The following LHCGR variants were observed in gnomAD, a reference collection of about 807,000 sequenced individuals.
LHCGR encodes luteinizing hormone/choriogonadotropin receptor, also known as lutropin-choriogonadotropic hormone receptor.
LHCGR carries 55 observed loss-of-function variants against 60.7 expected under a neutral mutation model. The ratio of observed to expected loss-of-function variants is 0.91; its 90% confidence interval spans 0.73 to 1.13. The LOEUF (loss-of-function observed/expected upper bound fraction) is 1.13. Among genes scored for constraint, LHCGR ranks in the 50% most tolerant of loss-of-function variants. The pLI is 0.00. For synonymous variants in LHCGR, 337 were observed against 316.5 expected (o/e 1.06, Z -0.69); for missense variants, 862 against 836.0 (o/e 1.03, Z -0.38).
At chr2:48,740,460 G>A (rs1260013314) in intron 1 of LHCGR, among the ~76,000 whole-genome samples, 1 of 152,194 alleles carries the variant, frequency 6.6e-6, no homozygotes, top group Non-Finnish European at 1.5e-5. Flanking sequence ...GCTTTGAAGA[G>A]AGCAGTGGTT....
At chr2:48,693,031 C>T (rs977916343) in intron 10 of LHCGR, among the ~76,000 whole-genome samples, 2 of 152,174 alleles carry the variant, frequency 1.3e-5, no homozygotes, top group South Asian at 2.1e-4. Flanking sequence ...GTCTTCCTTC[C>T]CCTCAAACCA....
chr2:48,746,304 A>G (rs1198093332), intron 1 of LHCGR, among the ~76,000 whole-genome samples: 1 of 152,148 alleles, frequency 6.6e-6, no homozygotes, highest in African/African-American at 2.4e-5. Context: ...TTATTCCTAA[A>G]TCTTGACTTT....
intron 8 of LHCGR, among the ~76,000 whole-genome samples, chr2:48,700,310 T>G (rs1202743633): frequency 2.0e-5 from 3 of 152,128 alleles, no homozygotes; most frequent in Non-Finnish European, 4.4e-5. Flanking sequence ...TGATAGTGGG[T>G]TTTCAGTCTT....
chr2:48,721,494 A>T, intron 6 of LHCGR: 1 of 299,086 alleles, frequency 3.3e-6, no homozygotes, highest in East Asian at 7.9e-5. Flanking sequence ...GCTGCTCTGT[A>T]TTCTTTTGAT....
intron 4 of LHCGR, among the ~76,000 whole-genome samples, 163 bp from the exon 5 acceptor site, chr2:48,723,859 A>T (rs756878172): frequency 3.9e-5 from 6 of 152,236 alleles, no homozygotes; most frequent in Non-Finnish European, 8.8e-5. Context: ...CTTTTAGCTG[A>T]GAAAGATTGT....
At chr2:48,717,463 T>G (rs1668301413) in intron 6 of LHCGR, among the ~76,000 whole-genome samples, 1 of 152,180 alleles carries the variant, frequency 6.6e-6, no homozygotes, top group Non-Finnish European at 1.5e-5. Context: ...ATAAAGCTAT[T>G]GTAAGGACTG....
chr2:48,700,575 T>A (rs1667359515), intron 8 of LHCGR, among the ~76,000 whole-genome samples: 1 of 152,226 alleles, frequency 6.6e-6, no homozygotes, highest in South Asian at 2.1e-4. Flanking sequence ...GGTTGTGTTT[T>A]GCACCTGAGC....
intron 6 of LHCGR, chr2:48,720,051 C>G (rs547377680): frequency 6.6e-6 from 1 of 152,296 alleles, no homozygotes; most frequent in Admixed American, 6.5e-5. Flanking sequence ...CCCACAGGCT[C>G]TCTGGGAGAG....
intron 1 of LHCGR, among the ~76,000 whole-genome samples, chr2:48,749,278 T>C (rs1194145463): frequency 6.6e-6 from 1 of 152,154 alleles, no homozygotes; most frequent in Non-Finnish European, 1.5e-5. Context: ...GAGAAGCAGC[T>C]AGAAGCTGCC....
chr2:48,751,701 G>A (rs965449137), intron 1 of LHCGR, among the ~76,000 whole-genome samples: 1 of 152,200 alleles, frequency 6.6e-6, no homozygotes, highest in Non-Finnish European at 1.5e-5. Context: ...AAAGAGTAAT[G>A]CTGGATCGAT....
intron 6 of LHCGR, among the ~76,000 whole-genome samples, chr2:48,717,381 C>T (rs1668297698): frequency 6.6e-6 from 1 of 152,176 alleles, no homozygotes; most frequent in South Asian, 2.1e-4. Flanking sequence ...ATCTGAATTA[C>T]TTTGGGCAAG....
Position 48,729,177 on chromosome 2 carries a change from T to A in LHCGR, c.284A>T (p.Asp95Val), listed in dbSNP as rs1450652801. Residue 95 changes from aspartate to valine, a missense_variant, in exon 3 of 11, where the codon GAC becomes GTC. Coordinates refer to ENST00000294954, the MANE Select transcript of LHCGR (RefSeq NM_000233.4). The stretch of plus-strand genomic sequence containing the variant: ...CATTTCAGACAAATTGAGGAGGTTG[T>A]CAAAGGCATTAGCTTCTATCCTTTC... ...SLERIEANAFDNLLNLSEILI... is the reference protein window; with the variant it reads ...SLERIEANAFVNLLNLSEILI... 6 of 1,612,028 alleles carry A rather than the reference T, an allele frequency of 3.7e-6. No individual in the cohort carries two copies. The highest frequency in any genetic ancestry group is 5.1e-6 in the Non-Finnish European group (6 of 1,178,714).
Position 48,688,365 on chromosome 2 carries a change from G to A in LHCGR, c.1432C>T (p.Leu478=). Residue 478 remains leucine (L), a synonymous_variant, in exon 11 of 11, where the codon CTG becomes TTG. Coordinates refer to ENST00000294954, the MANE Select transcript of LHCGR (RefSeq NM_000233.4). This position sits in a 1 kb window ranked among gnomAD's most constrained non-coding sequence, Gnocchi z 5.2. ...ITYAIHLDQK[L]RLRHAILIML... ...ATCAGAATGGCATGTCTTAATCGCA[G>A]CTTTTGGTCCAGGTGAATAGCATAG... is the stretch of plus-strand genomic sequence containing the variant. 1 of 1,614,160 alleles carries A rather than the reference G, an allele frequency of 6.2e-7. No homozygotes were observed. Among genetic ancestry groups the A allele is most frequent in the Non-Finnish European group, 8.5e-7 (1 of 1,180,026 alleles).
At chr2:48,740,981 C>G (rs1018275777) in intron 1 of LHCGR, among the ~76,000 whole-genome samples, 2 of 152,080 alleles carry the variant, frequency 1.3e-5, no homozygotes, top group Admixed American at 6.5e-5. Context: ...ATAACCGATA[C>G]AGAGAAGTGC....
chr2:48,731,422 G>T lies in LHCGR; in HGVS notation c.162-124C>A, dbSNP rs1668981442. ...GAGACTTCAGAGTTCCCAAGAACTG[G>T]ATTCAGGCTGAGGATTCTAACTTAA... On this transcript the variant is annotated intron_variant, in intron 1 of 10. Transcript: ENST00000294954. The T allele has an allele frequency of 2.2e-5, 15 of 686,516 alleles. No individual in the cohort carries two copies. The South Asian group carries it at 2.3e-4, about 11-fold the overall frequency. 42.5% of individuals were successfully genotyped at this position (686,516 alleles called of 1,614,324 possible).
At chr2:48,731,949 A>G (rs1669010880) in intron 1 of LHCGR, among the ~76,000 whole-genome samples, 1 of 152,220 alleles carries the variant, frequency 6.6e-6, no homozygotes, top group South Asian at 2.1e-4. Context: ...GTTAACTCAC[A>G]TGGGCATCTC....
At chr2:48,745,668 G>A (rs1002480912) in intron 1 of LHCGR, among the ~76,000 whole-genome samples, 3 of 141,618 alleles carry the variant, frequency 2.1e-5, no homozygotes, top group African/African-American at 7.9e-5. Context: ...GACACAGGAA[G>A]GGGAACATCA....
At chr2:48,743,304 A>G (rs1003417726) in intron 1 of LHCGR, among the ~76,000 whole-genome samples, 24 of 152,060 alleles carry the variant, frequency 1.6e-4, no homozygotes, top group Non-Finnish European at 1.5e-4. Context: ...AACTATTCCA[A>G]TCAATAGAAA....
intron 8 of LHCGR, among the ~76,000 whole-genome samples, chr2:48,700,860 G>A (rs1048699814): frequency 4.6e-5 from 7 of 152,174 alleles, no homozygotes; most frequent in African/African-American, 1.7e-4. Flanking sequence ...AGGGAGTTAG[G>A]ATTGACAACG....
Sources: allele counts gnomAD v4.1 joint callset (sites outside exome capture counted in the v4.1 genomes callset), GRCh38; gene constraint gnomAD v4.1.1; non-coding constraint Gnocchi (gnomAD v3.1); transcripts MANE v1.5; gene names NCBI Gene and HGNC (gene_info 2026-07-23, HGNC 2026-07-21).